The following ARHGEF16 variants were observed in gnomAD, a reference collection of about 807,000 sequenced individuals.
The protein encoded by ARHGEF16 is Rho guanine nucleotide exchange factor 16.
ARHGEF16 carries 59 observed loss-of-function variants against 74.1 expected under a neutral mutation model. The ratio of observed to expected loss-of-function variants is 0.80; its 90% CI spans 0.65 to 0.99. The LOEUF is 0.99. Ranked by LOEUF, ARHGEF16 falls within the 50% of genes least tolerant of loss-of-function variation. The pLI is 0.00. For synonymous variants in ARHGEF16, 415 were observed against 412.6 expected (o/e 1.01, Z -0.07); for missense variants, 948 against 986.6 (o/e 0.96, Z 0.52).
At chr1:3,458,558 G>A (rs897959458) in intron 1 of ARHGEF16, among the ~76,000 whole-genome samples, 1 of 152,230 alleles carries the variant, frequency 6.6e-6, no homozygotes, top group African/African-American at 2.4e-5. Flanking sequence ...GGGGCTGGGG[G>A]TCCCATTGGG....
chr1:3,478,050 G>A, intron 11 of ARHGEF16, 24 bp downstream of exon 11: 1 of 1,612,474 alleles, frequency 6.2e-7, no homozygotes. Flanking sequence ...AGGAGGGTGT[G>A]GGGAGCCCCA....
intron 9 of ARHGEF16, 77 bp downstream of exon 9, chr1:3,474,859 A>T: frequency 1.0e-5 from 12 of 1,167,088 alleles, no homozygotes; most frequent in Non-Finnish European, 1.4e-5. Context: ...ACCCTACCCG[A>T]TGGCATAGGG....
intron 12 of ARHGEF16, among the ~76,000 whole-genome samples, chr1:3,479,080 G>T (rs2100762553): frequency 6.6e-6 from 1 of 152,340 alleles, no homozygotes; most frequent in East Asian, 1.9e-4. Context: ...CTGGCACTCA[G>T]AATGGGAGGG....
Position 3,479,817 on chromosome 1 carries a change from C to T in ARHGEF16, c.1894C>T (p.Pro632Ser). The T allele has an allele frequency of 6.2e-7, 1 of 1,611,968 alleles. No homozygotes were observed. Among genetic ancestry groups the T allele is most frequent in the Non-Finnish European group, 8.5e-7 (1 of 1,179,856 alleles). The change falls in exon 14 of 15, where the codon CCC (proline) becomes TCC (serine). Residue 632 changes from proline (P) to serine (S), a missense_variant. Transcript: ENST00000378378. ...ATGGCCACTGCCCTATGCAGACCTG[C>T]CCCAGGTGGAGATCACCAAGGCCTT... ...WQGLSSKGDL[P>S]QVEITKAFFA...
chr1:3,467,426 G>T lies in ARHGEF16; in HGVS notation c.804+89G>T, dbSNP rs1639579340. The T allele has an allele frequency of 7.1e-6, 10 of 1,415,790 alleles. No homozygotes were observed. The Admixed American group carries it at 2.4e-4, about 34-fold the overall frequency. 87.7% of individuals were successfully genotyped at this position (1,415,790 alleles called of 1,614,324 possible). ...GTTCCTTCCCCAAGCCCAGGCGGCT[G>T]GTCCCCAGCAGCAGCCCAGTCCTCC... On this transcript the variant is annotated intron_variant, in intron 4 of 14. Coordinates refer to ENST00000378378, the MANE Select transcript of ARHGEF16 (RefSeq NM_014448.4).
chr1:3,469,702 T>C lies in ARHGEF16; in HGVS notation c.1022+109T>C, dbSNP rs567060845. The stretch of plus-strand genomic sequence containing the variant: ...GCCCCTGGGAGCCTGCGCTGCACCT[T>C]GATGTGGATGGTTTAGAGCAGCTGC... On this transcript the variant is annotated intron_variant, in intron 6 of 14. Transcript: ENST00000378378. 7.0e-6 allele frequency: 10 copies of C among 1,429,390 alleles called. No homozygotes were observed. The East Asian group carries it at 1.9e-4, about 27-fold the overall frequency. 88.5% of individuals were successfully genotyped at this position (1,429,390 alleles called of 1,614,324 possible). A position where few individuals can be genotyped will look rare whatever the true frequency, so the allele number is the denominator to read the frequency against.
intron 1 of ARHGEF16, among the ~76,000 whole-genome samples, chr1:3,462,158 T>C (rs2100734897): frequency 6.6e-6 from 1 of 151,934 alleles, no homozygotes; most frequent in Non-Finnish European, 1.5e-5. Context: ...ACAGGGCAGC[T>C]CCCGCTCTCT....
chr1:3,479,826 G>A lies in ARHGEF16; in HGVS notation c.1903G>A (p.Glu635Lys), dbSNP rs778006269. The A allele has an allele frequency of 8.7e-6, 14 of 1,611,990 alleles. No individual in the cohort carries two copies. The highest frequency in any genetic ancestry group is 2.2e-5 in the South Asian group (2 of 91,076). ...GCCCTATGCAGACCTGCCCCAGGTGGAGATCACCAAGGCCTTCTTCGCGAA... is the reference window on the plus strand; with the variant it reads ...GCCCTATGCAGACCTGCCCCAGGTGAAGATCACCAAGGCCTTCTTCGCGAA... ...LSSKGDLPQV[E>K]ITKAFFAKQA... The change falls in exon 14 of 15, where the codon GAG (glutamate) becomes AAG (lysine). Residue 635 changes from glutamate to lysine, a missense_variant. By Grantham distance (56) the Glu-to-Lys change is moderately conservative (BLOSUM62 1). Transcript: ENST00000378378.
At chr1:3,461,332 C>G (rs1639387756) in intron 1 of ARHGEF16, among the ~76,000 whole-genome samples, 2 of 152,374 alleles carry the variant, frequency 1.3e-5, no homozygotes, top group Middle Eastern at 6.8e-3. Context: ...TCACACCGGC[C>G]AGGCCTGTTA....
Position 3,479,556 on chromosome 1 carries a change from TGA to T in ARHGEF16, c.1859_1860del (p.Arg620ThrfsTer113), listed in dbSNP as rs750709611. 6 of 1,612,522 alleles carry T rather than the reference TGA, an allele frequency of 3.7e-6. No individual in the cohort carries two copies. Among genetic ancestry groups the T allele is most frequent in the Admixed American group, 1.7e-5 (1 of 59,996 alleles). On this transcript the variant is annotated frameshift_variant, in exon 13 of 15. Transcript: ENST00000378378. LOFTEE classifies it high-confidence loss of function. ...GGTGGATCGTGGCGCTCACACACAG[TGA>T]GAGACAGTGGCAGGGCCTCTCCAGC... Reference protein sequence around the residue: ...ARWIVALTHSERQWQGLSSKG... With the variant: ...ARWIVALTHSXRQWQGLSSKG...
At chr1:3,475,076 C>A in intron 9 of ARHGEF16, among the ~76,000 whole-genome samples, 1 of 49,160 alleles carries the variant, frequency 2.0e-5, no homozygotes, top group East Asian at 7.3e-4. Flanking sequence ...AACTGAGGCC[C>A]AGAGGTTCCC....
chr1:3,476,139 C>T (rs998571453), intron 10 of ARHGEF16, 77 bp downstream of exon 10: 3 of 1,438,454 alleles, frequency 2.1e-6, no homozygotes, highest in African/African-American at 1.4e-5. Flanking sequence ...TGTGAGGTCA[C>T]ACCCCTGAGC....
At chr1:3,476,678 C>G (rs12561940) in intron 10 of ARHGEF16, among the ~76,000 whole-genome samples, 5,286 of 152,256 alleles carry the variant, frequency 0.035, 156 homozygotes, top group East Asian at 0.13. Flanking sequence ...GGGCCCCTCC[C>G]CTAAGGCGGG....
At chr1:3,477,839 C>G (rs777483713) in intron 10 of ARHGEF16, 36 bp from the exon 11 acceptor site, 15 of 1,608,766 alleles carry the variant, frequency 9.3e-6, no homozygotes, top group Non-Finnish European at 1.3e-5. Flanking sequence ...CCCAGTCCCT[C>G]GCACTGATCT....
intron 1 of ARHGEF16, among the ~76,000 whole-genome samples, chr1:3,459,086 T>TG (rs1639331660): frequency 6.6e-6 from 1 of 152,052 alleles, no homozygotes; most frequent in Non-Finnish European, 1.5e-5. Flanking sequence ...TAGACAAGAG[T>TG]GACCGCCTGG....
intron 6 of ARHGEF16, 170 bp from the exon 7 acceptor site, chr1:3,472,908 G>C: frequency 1.6e-5 from 3 of 182,690 alleles, no homozygotes; most frequent in Non-Finnish European, 2.1e-5. Flanking sequence ...CAGCATCCCA[G>C]GTCCGGGTCC....
rs542777835 is a variant in ARHGEF16 at position 3,477,777 on chromosome 1, G to C, written c.1474-98G>C. 5 of 1,152,398 alleles carry C rather than the reference G, an allele frequency of 4.3e-6. No homozygotes were observed. In the East Asian group the frequency reaches 9.7e-5, roughly 22 times the overall value. 71.4% of individuals were successfully genotyped at this position (1,152,398 alleles called of 1,614,324 possible). On this transcript the variant is annotated intron_variant, in intron 10 of 14. Coordinates refer to ENST00000378378, the MANE Select transcript of ARHGEF16 (RefSeq NM_014448.4). The stretch of plus-strand genomic sequence containing the variant: ...CAGAGGCAGGAGTCAGTCCCACCTG[G>C]TGCTATGCGTCCTTGACCCCCTGGG...
chr1:3,461,768 C>T (rs183492658), intron 1 of ARHGEF16, among the ~76,000 whole-genome samples: 67 of 152,344 alleles, frequency 4.4e-4, no homozygotes, highest in East Asian at 3.3e-3. Context: ...GGGCTCTGCA[C>T]ATCTCGGTCA....
At chr1:3,466,782 G>A (rs1639559089) in intron 3 of ARHGEF16, among the ~76,000 whole-genome samples, 1 of 152,216 alleles carries the variant, frequency 6.6e-6, no homozygotes, top group Non-Finnish European at 1.5e-5. Context: ...GAGGCTCCAA[G>A]ACACAATGGC....
Sources: allele counts gnomAD v4.1 joint callset (sites outside exome capture counted in the v4.1 genomes callset), GRCh38; gene constraint gnomAD v4.1.1; transcripts MANE v1.5; gene names NCBI Gene and HGNC (gene_info 2026-07-23, HGNC 2026-07-21).